The following OTOF variants were observed in gnomAD, a reference collection of about 807,000 sequenced individuals.
The protein encoded by OTOF is fer-1-like family member 2.
In OTOF, 218 loss-of-function variants were observed where a neutral mutation model predicts 236.8. The ratio of observed to expected loss-of-function variants is 0.92; its 90% confidence interval spans 0.82 to 1.03. The LOEUF is 1.03. Among genes scored for constraint, OTOF ranks in the 50% least tolerant of loss-of-function variants. OTOF has a pLI of 0.00. For missense variants in OTOF, 2,590 were observed against 2,694.4 expected (o/e 0.96, Z 0.86); for synonymous variants, 1,041 against 1,072.5 (o/e 0.97, Z 0.57).
rs1371130828 is a variant in OTOF at position 26,465,033 on chromosome 2, T to C, written c.4800-4A>G. Reference sequence around the variant, plus strand: ...CCGCCAGATATTGTAGCCATGTCTGTGGGAGGGGACACACAGGCTTGGAGG... The same window carrying C: ...CCGCCAGATATTGTAGCCATGTCTGCGGGAGGGGACACACAGGCTTGGAGG... On this transcript the variant is annotated splice_region_variant and splice_polypyrimidine_tract_variant and intron_variant, in intron 38 of 46. Coordinates refer to ENST00000272371, the MANE Select transcript of OTOF (RefSeq NM_194248.3). The C allele has an allele frequency of 1.4e-6, 2 of 1,470,048 alleles. No homozygotes were observed. The highest frequency in any genetic ancestry group is 9.1e-7 in the Non-Finnish European group (1 of 1,104,186). The allele number at this position is 1,470,048 out of a possible 1,614,324, so 91.1% of individuals were successfully genotyped here.
Position 26,484,065 on chromosome 2 carries a change from T to C in OTOF, c.1205+409A>G, listed in dbSNP as rs146444525. ...CCCAGCTCACAAAAGACAGGATTCA[T>C]TGATTCCCAGCACTTTTACCCACTG... On this transcript the variant is annotated intron_variant, in intron 12 of 46. Transcript: ENST00000272371. Among the ~76,000 whole-genome samples, 533 of 152,326 alleles carry C rather than the reference T, an allele frequency of 3.5e-3. 4 individuals carry two copies. The highest frequency in any genetic ancestry group is 0.012 in the African/African-American group (502 of 41,574).
intron 5 of OTOF, among the ~76,000 whole-genome samples, chr2:26,511,870 G>A (rs866859987): frequency 2.6e-5 from 4 of 152,170 alleles, no homozygotes; most frequent in Admixed American, 2.0e-4. Flanking sequence ...TAGGGGCTGT[G>A]GAAACCGATT....
chr2:26,528,062 T>G (rs181831062), intron 2 of OTOF, 142 bp from the exon 3 acceptor site: 3 of 706,486 alleles, frequency 4.2e-6, no homozygotes, highest in African/African-American at 1.8e-5. Context: ...GACAAAGCAT[T>G]GACACCTGGA....
chr2:26,513,901 G>A (rs1666453652), intron 5 of OTOF, among the ~76,000 whole-genome samples: 1 of 152,148 alleles, frequency 6.6e-6, no homozygotes, highest in Admixed American at 6.5e-5. Context: ...ATGTGACAAG[G>A]GTGAGATGCA....
chr2:26,482,745 G>A lies in OTOF; in HGVS notation c.1393-153C>T, dbSNP rs368849366. On this transcript the variant is annotated intron_variant, in intron 13 of 46. Transcript: ENST00000272371. ...CGTGTGTGAGTGGATGCATGTGTGC[G>A]TGTGTGAGTGGGTGCATGTGTGAGT... Among the ~76,000 whole-genome samples, 71 of 149,964 alleles carry A rather than the reference G, an allele frequency of 4.7e-4. 2 individuals are homozygous for A. The highest frequency in any genetic ancestry group is 1.5e-3 in the African/African-American group (62 of 40,770).
At chr2:26,536,949 G>A (rs1321844428) in intron 2 of OTOF, among the ~76,000 whole-genome samples, 1 of 152,192 alleles carries the variant, frequency 6.6e-6, no homozygotes, top group Non-Finnish European at 1.5e-5. Flanking sequence ...TGTGAGGATA[G>A]GGCTCCCAGC....
At chr2:26,468,774 C>T (rs1664849640) in intron 32 of OTOF, among the ~76,000 whole-genome samples, 1 of 152,116 alleles carries the variant, frequency 6.6e-6, no homozygotes, top group Admixed American at 6.5e-5. Flanking sequence ...AAGCCAGAAA[C>T]CATCATTCTG....
rs1046048809 is a variant in OTOF at position 26,473,346 on chromosome 2, C to T, written c.3571-52G>A. The T allele has an allele frequency of 1.9e-6, 3 of 1,612,980 alleles. No individual in the cohort carries two copies. Among genetic ancestry groups the T allele is most frequent in the South Asian group, 1.1e-5 (1 of 91,078 alleles). On this transcript the variant is annotated intron_variant, in intron 28 of 46. Coordinates refer to ENST00000272371, the MANE Select transcript of OTOF (RefSeq NM_194248.3). The surrounding 1 kb of genome is among the most constrained non-coding windows in gnomAD (Gnocchi z 7.2). Reference sequence around the variant, plus strand: ...GCCTCCAAGAAGGGGCAGAGGAAGCCGGCTGGCTGAGTGGAGCCACACTGG... The same window carrying T: ...GCCTCCAAGAAGGGGCAGAGGAAGCTGGCTGGCTGAGTGGAGCCACACTGG...
intron 46 of OTOF, among the ~76,000 whole-genome samples, chr2:26,458,880 G>T (rs974680796): frequency 3.3e-5 from 5 of 152,284 alleles, no homozygotes; most frequent in African/African-American, 1.2e-4. Context: ...CTCAGTATTG[G>T]TGGGGACACA....
intron 1 of OTOF, among the ~76,000 whole-genome samples, chr2:26,541,703 G>A (rs1443208103): frequency 6.6e-6 from 1 of 152,196 alleles, no homozygotes; most frequent in Admixed American, 6.5e-5. Context: ...TTCAGCGTCA[G>A]TCTTGTTGAC....
At position 26,476,324 on chromosome 2, in the gene OTOF, G is replaced by T. The variant is rs762269083; in HGVS notation, c.2677-7C>A. 6 of 1,601,108 alleles carry T rather than the reference G, an allele frequency of 3.7e-6. No homozygotes were observed. The South Asian group carries it at 6.6e-5, about 18-fold the overall frequency. On this transcript the variant is annotated splice_polypyrimidine_tract_variant and splice_region_variant and intron_variant, in intron 22 of 46. Transcript: ENST00000272371. The stretch of plus-strand genomic sequence containing the variant: ...AGCCCCGCTTCCCTGGCAGCTGGGG[G>T]TGGGCATGGGGTCACCAGGAGCCTG...
intron 16 of OTOF, 117 bp from the exon 17 acceptor site, chr2:26,479,770 G>T: frequency 1.0e-6 from 1 of 955,162 alleles, no homozygotes; most frequent in Non-Finnish European, 1.6e-6. Context: ...AGGGAATGGG[G>T]CTCAGACGTG....
rs114178735 is a variant in OTOF, at chr2:26,543,889, T to C, written c.80-6115A>G. On this transcript the variant is annotated intron_variant, in intron 1 of 46. Coordinates refer to ENST00000272371, the MANE Select transcript of OTOF (RefSeq NM_194248.3). ...GTGCCACCATGCCTGGCTAACTTTTTTTGTATTTTTAGAGAGACAGGGTTT... is the reference window on the plus strand; with the variant it reads ...GTGCCACCATGCCTGGCTAACTTTTCTTGTATTTTTAGAGAGACAGGGTTT... Among the ~76,000 whole-genome samples, 1,460 of 152,288 alleles carry C rather than the reference T, an allele frequency of 9.6e-3. 19 individuals are homozygous for C. Among genetic ancestry groups the C allele is most frequent in the African/African-American group, 0.033 (1,366 of 41,578 alleles).
chr2:26,537,946 T>C (rs1667114637), intron 1 of OTOF, among the ~76,000 whole-genome samples, 172 bp from the exon 2 acceptor site: 1 of 152,204 alleles, frequency 6.6e-6, no homozygotes, highest in Non-Finnish European at 1.5e-5. Flanking sequence ...ATGCGGCTTC[T>C]TCTCTGACCC....
chr2:26,544,180 G>A (rs1460902869), intron 1 of OTOF, among the ~76,000 whole-genome samples: 5 of 152,130 alleles, frequency 3.3e-5, no homozygotes, highest in African/African-American at 1.2e-4. Context: ...TTAGATGTGA[G>A]TCTCTCTTCT....
chr2:26,515,037 T>C (rs1666487847), intron 5 of OTOF, among the ~76,000 whole-genome samples: 1 of 152,222 alleles, frequency 6.6e-6, no homozygotes, highest in Non-Finnish European at 1.5e-5. Flanking sequence ...AGAAACCTGT[T>C]TGTCTGTCAC....
chr2:26,457,940 G>T lies in OTOF; in HGVS notation c.*298C>A. On this transcript the variant is annotated 3_prime_UTR_variant, in exon 47 of 47. Transcript: ENST00000272371. The surrounding 1 kb of genome is among the most constrained non-coding windows in gnomAD (Gnocchi z 4.4). The stretch of plus-strand genomic sequence containing the variant: ...TCGGCCCAAGGCATGAAGAGTGGAC[G>T]CTGGGCTCCTCAGGCTCCCCAGGGG... The T allele has an allele frequency of 8.1e-7, 1 of 1,230,314 alleles. No homozygotes were observed. Among genetic ancestry groups the T allele is most frequent in the Non-Finnish European group, 1.2e-6 (1 of 868,448 alleles). The allele number at this position is 1,230,314 out of a possible 1,614,324, so 76.2% of individuals were successfully genotyped here.
Position 26,474,528 on chromosome 2 carries a change from G to A in OTOF, c.3273C>T (p.Ala1091=). The change falls in exon 26 of 47, where the codon GCC becomes GCT. Residue 1091 remains alanine, a synonymous_variant. Transcript: ENST00000272371. ...GCAGTCCCACCTGCAGCAGCTCGAA[G>A]GCCGCCAGCAGGTCTCCAGCTGTGG... ...GNATAGDLLA[A]FELLQIGPAG... 6.2e-7 allele frequency: 1 copy of A among 1,610,452 alleles called. No homozygotes were observed. The highest frequency in any genetic ancestry group is 1.1e-5 in the South Asian group (1 of 90,722).
intron 13 of OTOF, among the ~76,000 whole-genome samples, chr2:26,483,200 G>GGTGCATGTGTGTGTGC (rs1665609900): frequency 6.6e-6 from 1 of 151,838 alleles, no homozygotes; most frequent in Non-Finnish European, 1.5e-5. Context: ...TGTATGAGTG[G>GGTGCATGTGTGTGTGC]GTGCATGTGT....
Sources: allele counts gnomAD v4.1 joint callset (sites outside exome capture counted in the v4.1 genomes callset), GRCh38; gene constraint gnomAD v4.1.1; non-coding constraint Gnocchi (gnomAD v3.1); transcripts MANE v1.5; gene names NCBI Gene and HGNC (gene_info 2026-07-23, HGNC 2026-07-21).